The following RNGTT variants were observed in gnomAD, a reference collection of about 807,000 sequenced individuals.
RNGTT encodes RNA guanylyltransferase and 5'-phosphatase.
A neutral mutation model predicts 79.3 loss-of-function variants in RNGTT; 33 were observed. The observed-to-expected ratio is 0.42, with a 90% CI of 0.32 to 0.56. The LOEUF is 0.56. Ranked by LOEUF, RNGTT falls within the 20% of genes least tolerant of loss-of-function variation. RNGTT has a pLI of 0.17. For missense variants in RNGTT, 497 were observed against 739.1 expected, an observed-to-expected ratio of 0.67 and a Z score of 3.80; for synonymous variants, 222 against 235.9, an observed-to-expected ratio of 0.94 and a Z score of 0.54.
At chr6:88,868,925 A>T (rs1489476186) in intron 8 of RNGTT, among the ~76,000 whole-genome samples, 3 of 152,194 alleles carry the variant, frequency 2.0e-5, no homozygotes, top group Non-Finnish European at 1.5e-5. Flanking sequence ...GGATTTTAAT[A>T]ATCTACAAGA....
intron 13 of RNGTT, among the ~76,000 whole-genome samples, chr6:88,761,925 T>G (rs1371201319): frequency 6.6e-6 from 1 of 152,118 alleles, no homozygotes; most frequent in Non-Finnish European, 1.5e-5. Context: ...CTGTTTAAAG[T>G]AAGTGTCTGG....
At chr6:88,929,926 A>G (rs1784439953) in intron 2 of RNGTT, among the ~76,000 whole-genome samples, 1 of 150,636 alleles carries the variant, frequency 6.6e-6, no homozygotes, top group South Asian at 2.1e-4. Context: ...ACACGTATAT[A>G]CATATGTATA....
intron 2 of RNGTT, among the ~76,000 whole-genome samples, chr6:88,935,662 T>C (rs1000097074): frequency 2.6e-5 from 4 of 152,224 alleles, no homozygotes; most frequent in African/African-American, 9.6e-5. Flanking sequence ...CTTTGGAAAG[T>C]ATGGTCATTT....
chr6:88,902,690 C>CTTTTTT (rs71024315), intron 6 of RNGTT, among the ~76,000 whole-genome samples: 17 of 82,700 alleles, frequency 2.1e-4, no homozygotes, highest in Admixed American at 4.8e-4. Context: ...ATAGTGAAAT[C>CTTTTTT]TTTTTTTTTT....
intron 14 of RNGTT, among the ~76,000 whole-genome samples, chr6:88,639,121 A>C (rs543592629): frequency 6.6e-6 from 1 of 152,306 alleles, no homozygotes; most frequent in Non-Finnish European, 1.5e-5. Context: ...TCAACAGATG[A>C]TGCATCCATG....
intron 12 of RNGTT, among the ~76,000 whole-genome samples, chr6:88,798,879 A>G (rs950294059): frequency 9.9e-5 from 15 of 152,208 alleles, no homozygotes; most frequent in Admixed American, 7.9e-4. Context: ...TTTGAGGTTG[A>G]GAAGAAGGTA....
At chr6:88,790,922 G>C (rs1779385266) in intron 12 of RNGTT, among the ~76,000 whole-genome samples, 1 of 152,094 alleles carries the variant, frequency 6.6e-6, no homozygotes, top group Admixed American at 6.5e-5. Context: ...GACAGAATCA[G>C]AAATTACACT....
intron 12 of RNGTT, among the ~76,000 whole-genome samples, chr6:88,773,208 A>T (rs200392867): frequency 6.8e-6 from 1 of 146,148 alleles, no homozygotes; most frequent in Non-Finnish European, 1.5e-5. Flanking sequence ...TTCTCAGTAA[A>T]CTATCGCAAG....
chr6:88,856,055 T>C (rs1016768157), intron 8 of RNGTT, among the ~76,000 whole-genome samples: 1 of 152,224 alleles, frequency 6.6e-6, no homozygotes, highest in Non-Finnish European at 1.5e-5. Context: ...TCAAGGCAAA[T>C]AAGTTAGGAA....
intron 13 of RNGTT, among the ~76,000 whole-genome samples, chr6:88,699,220 C>T (rs1775862405): frequency 6.6e-6 from 1 of 152,116 alleles, no homozygotes; most frequent in African/African-American, 2.4e-5. Flanking sequence ...ACTCTCTTTT[C>T]CTCACACAAA....
intron 13 of RNGTT, among the ~76,000 whole-genome samples, chr6:88,705,874 T>C (rs924778960): frequency 4.3e-4 from 66 of 152,242 alleles, no homozygotes; most frequent in Non-Finnish European, 4.9e-4. Context: ...TAGCAGGTGA[T>C]ACTCAAAATG....
chr6:88,618,457 C>A (rs1772314866), intron 14 of RNGTT, among the ~76,000 whole-genome samples: 1 of 152,140 alleles, frequency 6.6e-6, no homozygotes, highest in Non-Finnish European at 1.5e-5. Context: ...TGACAATAAT[C>A]ATCCTCAGCC....
intron 11 of RNGTT, among the ~76,000 whole-genome samples, chr6:88,824,815 G>C (rs367829528): frequency 1.3e-5 from 2 of 149,914 alleles, no homozygotes; most frequent in African/African-American, 4.9e-5. Context: ...GCAGTGGTGC[G>C]ATCTCGGCTC....
chr6:88,786,369 A>C (rs1448263423), intron 12 of RNGTT, among the ~76,000 whole-genome samples: 2 of 152,228 alleles, frequency 1.3e-5, no homozygotes, highest in Non-Finnish European at 2.9e-5. Context: ...CAACTTTGTA[A>C]ATTAAACAAT....
intron 13 of RNGTT, among the ~76,000 whole-genome samples, chr6:88,746,802 A>G (rs1483904391): frequency 6.6e-6 from 1 of 152,238 alleles, no homozygotes; most frequent in African/African-American, 2.4e-5. Context: ...TATGTCATGG[A>G]GAAAAATTAA....
chr6:88,661,337 GA>G (rs1484742768), intron 14 of RNGTT, among the ~76,000 whole-genome samples: 1 of 151,984 alleles, frequency 6.6e-6, no homozygotes, highest in African/African-American at 2.4e-5. Context: ...AAACGAAATT[GA>G]AACAAACAAA....
chr6:88,685,034 G>A (rs531547180), intron 13 of RNGTT, among the ~76,000 whole-genome samples: 1 of 152,248 alleles, frequency 6.6e-6, no homozygotes, highest in East Asian at 1.9e-4. Flanking sequence ...AGTGAATGAA[G>A]CCTATCTAAA....
chr6:88,785,610 G>T (rs1779204448), intron 12 of RNGTT, among the ~76,000 whole-genome samples: 1 of 152,032 alleles, frequency 6.6e-6, no homozygotes, highest in South Asian at 2.1e-4. Context: ...TGACACTTTT[G>T]CAGCCTGCCA....
intron 12 of RNGTT, among the ~76,000 whole-genome samples, chr6:88,797,658 A>C (rs9353614): frequency 6.6e-6 from 1 of 151,854 alleles, no homozygotes; most frequent in African/African-American, 2.4e-5. Context: ...CTAATGCTAG[A>C]TGACAAGACT....
Sources: allele counts gnomAD v4.1 joint callset (sites outside exome capture counted in the v4.1 genomes callset), GRCh38; gene constraint gnomAD v4.1.1; transcripts MANE v1.5; gene names NCBI Gene and HGNC (gene_info 2026-07-23, HGNC 2026-07-21).